NCALD: variants seen among roughly 807,000 people sequenced by gnomAD.
NCALD encodes neurocalcin-delta.
NCALD carries 10 observed loss-of-function variants against 18.6 expected under a neutral mutation model. The observed-to-expected ratio is 0.54, with a 90% CI of 0.33 to 0.91. NCALD has a LOEUF of 0.91. Among genes scored for constraint, NCALD ranks in the 40% least tolerant of loss-of-function variants. The pLI is 0.03. For synonymous variants in NCALD, 88 were observed against 87.4 expected (o/e 1.01, Z -0.04); for missense variants, 184 against 247.6 (o/e 0.74, Z 1.72).
chr8:101,696,833 C>T (rs901588822), intron 2 of NCALD, among the ~76,000 whole-genome samples: 1 of 152,044 alleles, frequency 6.6e-6, no homozygotes, highest in East Asian at 1.9e-4. Context: ...ACTAAATGCC[C>T]ACATCAGAAA....
At chr8:102,080,879 T>C (rs1370639210) in intron 1 of NCALD, among the ~76,000 whole-genome samples, 1 of 152,148 alleles carries the variant, frequency 6.6e-6, no homozygotes, top group East Asian at 1.9e-4. Context: ...CCTCTTAGAG[T>C]GTGCAAAGGC....
chr8:101,981,805 T>C (rs1820628291), intron 2 of NCALD, among the ~76,000 whole-genome samples: 1 of 152,158 alleles, frequency 6.6e-6, no homozygotes. Context: ...TCTCAAAGGG[T>C]AGTTCACGTC....
At chr8:101,791,573 T>C (rs1409908443), upstream of NCALD, among the ~76,000 whole-genome samples, 1 of 152,114 alleles carries the variant, frequency 6.6e-6, no homozygotes, top group Non-Finnish European at 1.5e-5. Flanking sequence ...GGCTTATGAC[T>C]CAGAGACAGG....
intron 2 of NCALD, among the ~76,000 whole-genome samples, chr8:101,945,816 GA>G (rs1263704399): frequency 6.6e-6 from 1 of 152,184 alleles, no homozygotes; most frequent in Non-Finnish European, 1.5e-5. Context: ...TGCCAGGCAA[GA>G]ATTTTAGTGT....
At chr8:102,086,624 T>G (rs1440817249) in intron 1 of NCALD, among the ~76,000 whole-genome samples, 1 of 152,160 alleles carries the variant, frequency 6.6e-6, no homozygotes, top group Admixed American at 6.5e-5. Flanking sequence ...CCTCTATAAG[T>G]GTAATTTTTT....
chr8:102,104,168 T>C (rs1187665250), intron 1 of NCALD, among the ~76,000 whole-genome samples: 1 of 152,228 alleles, frequency 6.6e-6, no homozygotes, highest in East Asian at 1.9e-4. Context: ...TTCCTGATTA[T>C]ATAGTTAAAA....
chr8:102,048,121 T>A (rs1281948842), intron 1 of NCALD, among the ~76,000 whole-genome samples: 1 of 152,220 alleles, frequency 6.6e-6, no homozygotes, highest in Non-Finnish European at 1.5e-5. Context: ...ATTAATTAAC[T>A]AATTACTAAA....
chr8:101,898,789 C>T (rs1817308144), intron 3 of NCALD, among the ~76,000 whole-genome samples: 1 of 152,096 alleles, frequency 6.6e-6, no homozygotes, highest in African/African-American at 2.4e-5. Context: ...GATAGCTATA[C>T]TAATTTTGAA....
intron 1 of NCALD, among the ~76,000 whole-genome samples, chr8:102,032,472 C>A (rs1307091248): frequency 2.1e-5 from 3 of 144,304 alleles, no homozygotes; most frequent in Non-Finnish European, 2.9e-5. Context: ...AAAATCCTCC[C>A]AGTTGGCAGA....
At chr8:102,089,496 T>C (rs1268703643) in intron 1 of NCALD, among the ~76,000 whole-genome samples, 1 of 152,052 alleles carries the variant, frequency 6.6e-6, no homozygotes, top group African/African-American at 2.4e-5. Flanking sequence ...ATATGTTGTG[T>C]GTGTGGTGTT....
chr8:101,850,257 A>T (rs1815037450), intron 4 of NCALD, among the ~76,000 whole-genome samples: 1 of 152,288 alleles, frequency 6.6e-6, no homozygotes, highest in African/African-American at 2.4e-5. Flanking sequence ...AGCACTCCTT[A>T]GATGAAGCAG....
intron 2 of NCALD, among the ~76,000 whole-genome samples, chr8:101,956,619 CAG>C (rs1398466724): frequency 2.7e-5 from 4 of 150,614 alleles, no homozygotes; most frequent in Non-Finnish European, 4.4e-5. Flanking sequence ...GAGACAGACA[CAG>C]AGAGAGAGAG....
chr8:102,118,163 G>A (rs779469031), intron 1 of NCALD, among the ~76,000 whole-genome samples: 2 of 152,230 alleles, frequency 1.3e-5, no homozygotes, highest in Non-Finnish European at 2.9e-5. Context: ...AGATCAGAGA[G>A]TGGAAGAGAG....
At chr8:102,035,463 C>G (rs950830900) in intron 1 of NCALD, among the ~76,000 whole-genome samples, 1 of 152,090 alleles carries the variant, frequency 6.6e-6, no homozygotes, top group Non-Finnish European at 1.5e-5. Flanking sequence ...AATCAGAAAA[C>G]ACAAAGAATA....
At chr8:101,698,857 G>A (rs1235524492) in intron 2 of NCALD, among the ~76,000 whole-genome samples, 1 of 152,010 alleles carries the variant, frequency 6.6e-6, no homozygotes, top group Non-Finnish European at 1.5e-5. Flanking sequence ...TACCATTCAG[G>A]ACACAGGCAT....
Position 101,938,885 on chromosome 8 carries a change from G to A in NCALD, c.-156-23027C>T, listed in dbSNP as rs529016796. 1.3e-4 allele frequency among the ~76,000 whole-genome samples: 20 copies of A among 152,274 alleles called. No individual in the cohort carries two copies. In the East Asian group the frequency reaches 1.7e-3, roughly 13 times the overall value. On this transcript the variant is annotated intron_variant, in intron 2 of 6. Coordinates refer to the NCALD transcript ENST00000311028. The stretch of plus-strand genomic sequence containing the variant: ...AAGGGCTTGCCCTCCTTGTATTCAC[G>A]TTTGGAAATCAAACAATTAACTTTT...
chr8:101,698,633 C>T (rs1815114762), intron 2 of NCALD, among the ~76,000 whole-genome samples: 2 of 152,136 alleles, frequency 1.3e-5, no homozygotes, highest in African/African-American at 4.8e-5. Flanking sequence ...CACCACACAT[C>T]TACAACCATC....
chr8:101,882,063 C>T (rs1175998581), intron 4 of NCALD, among the ~76,000 whole-genome samples: 2 of 152,150 alleles, frequency 1.3e-5, no homozygotes, highest in Non-Finnish European at 2.9e-5. Flanking sequence ...GAATATACTA[C>T]AGGCACCAGG....
At chr8:102,098,813 C>G (rs1446458128) in intron 1 of NCALD, among the ~76,000 whole-genome samples, 1 of 152,204 alleles carries the variant, frequency 6.6e-6, no homozygotes, top group Admixed American at 6.5e-5. Context: ...CCATGATGGC[C>G]ACATGAACTA....
Sources: gnomAD v4.1 joint callset for allele counts (sites outside exome capture counted in the v4.1 genomes callset) on GRCh38, gnomAD v4.1.1 for gene constraint, MANE v1.5 for transcripts, NCBI Gene and HGNC (gene_info 2026-07-23, HGNC 2026-07-21) for gene names.